KDM4B: variants seen among roughly 807,000 people sequenced by gnomAD.
KDM4B encodes lysine-specific demethylase 4B.
A neutral mutation model predicts 125.2 loss-of-function variants in KDM4B; 32 were observed. The ratio of observed to expected loss-of-function variants is 0.26; its 90% CI spans 0.19 to 0.34. The LOEUF is 0.34. Among genes scored for constraint, KDM4B ranks in the 10% least tolerant of loss-of-function variants. The pLI is 1.00. For synonymous variants in KDM4B, 721 were observed against 677.9 expected (o/e 1.06, Z -0.99); for missense variants, 1,190 against 1,577.7 (o/e 0.75, Z 4.16).
At chr19:5,108,512 T>G (rs2039079069) in intron 9 of KDM4B, among the ~76,000 whole-genome samples, 1 of 152,092 alleles carries the variant, frequency 6.6e-6, no homozygotes, top group Admixed American at 6.5e-5. Context: ...TGCAGGAAAT[T>G]CCACAGGAAG....
rs55641886 is a variant in KDM4B, at chr19:4,994,020, GTTTTTTTTT to G, written c.-108-22223_-108-22215del. Among the ~76,000 whole-genome samples, 5 of 66,678 alleles carry G rather than the reference GTTTTTTTTT, an allele frequency of 7.5e-5. No homozygotes were observed. In the East Asian group the frequency reaches 1.4e-3, roughly 18 times the overall value. 43.7% of individuals were successfully genotyped at this position (66,678 alleles called of 152,430 possible). On this transcript the variant is annotated intron_variant, in intron 1 of 22. Coordinates refer to ENST00000159111, the MANE Select transcript of KDM4B (RefSeq NM_015015.3). ...CGTTTAATTTTTATATTTTCAGCCT[GTTTTTTTTT>G]TTTTTTTTTTTTTGTTATTGTTGTT...
chr19:5,097,061 G>T (rs924439042), intron 9 of KDM4B, among the ~76,000 whole-genome samples: 1 of 152,158 alleles, frequency 6.6e-6, no homozygotes, highest in African/African-American at 2.4e-5. Context: ...AAAGAACAAG[G>T]CACGTGCCCC....
intron 6 of KDM4B, among the ~76,000 whole-genome samples, chr19:5,054,689 C>T (rs555159253): frequency 6.6e-6 from 1 of 152,352 alleles, no homozygotes; most frequent in East Asian, 1.9e-4. Context: ...GAGCTGCCAG[C>T]AGGGCATTGC....
intron 6 of KDM4B, among the ~76,000 whole-genome samples, chr19:5,070,024 G>A (rs188876863): frequency 1.3e-5 from 2 of 152,178 alleles, no homozygotes; most frequent in East Asian, 1.9e-4. Flanking sequence ...GGAGGGTCTC[G>A]GGGAGAGACC....
At chr19:5,098,578 A>G (rs2038872192) in intron 9 of KDM4B, among the ~76,000 whole-genome samples, 1 of 152,110 alleles carries the variant, frequency 6.6e-6, no homozygotes. Context: ...TTCCCTAGAA[A>G]GGTGCCATGG....
chr19:4,988,773 A>G (rs2034932944), intron 1 of KDM4B, among the ~76,000 whole-genome samples: 2 of 152,160 alleles, frequency 1.3e-5, no homozygotes, highest in Non-Finnish European at 2.9e-5. Context: ...ACCTCCACGC[A>G]TTCATCTGTG....
At chr19:4,974,403 A>AAAAT (rs1053899211) in intron 1 of KDM4B, among the ~76,000 whole-genome samples, 1 of 151,992 alleles carries the variant, frequency 6.6e-6, no homozygotes, top group Admixed American at 6.6e-5. Context: ...CTCCATCTCA[A>AAAAT]AAATAAATAA....
chr19:5,134,162 G>T (rs1187141103), intron 14 of KDM4B, 101 bp downstream of exon 14: 14 of 1,167,380 alleles, frequency 1.2e-5, no homozygotes, highest in Non-Finnish European at 1.7e-5. Flanking sequence ...CTCACGCAGG[G>T]CAGGGTGTTG....
intron 9 of KDM4B, among the ~76,000 whole-genome samples, chr19:5,098,919 C>T (rs1026675017): frequency 3.3e-5 from 5 of 152,326 alleles, no homozygotes; most frequent in Non-Finnish European, 7.3e-5. Context: ...TATTTTGTTT[C>T]AATAATGGAC....
chr19:5,001,535 C>T (rs1340939683), intron 1 of KDM4B, among the ~76,000 whole-genome samples: 1 of 152,204 alleles, frequency 6.6e-6, no homozygotes, highest in Admixed American at 6.5e-5. Context: ...GCGAACTGTG[C>T]TGCCGTGAGT....
Position 5,082,616 on chromosome 19 carries a change from G to C in KDM4B, c.918+112G>C. 2.5e-6 allele frequency: 3 copies of C among 1,195,452 alleles called. No homozygotes were observed. The highest frequency in any genetic ancestry group is 3.4e-6 in the Non-Finnish European group (3 of 872,854). 74.1% of individuals were successfully genotyped at this position (1,195,452 alleles called of 1,614,324 possible). A position where few individuals can be genotyped will look rare whatever the true frequency, so the allele number is the denominator to read the frequency against. ...CAGCAGCCGTTTCGCTCAGCCCAGG[G>C]CCTGGGCTCTCAACCAGGGTCTGAT... On this transcript the variant is annotated intron_variant, in intron 9 of 22. Transcript: ENST00000159111. The surrounding 1 kb of genome is among the most constrained non-coding windows in gnomAD (Gnocchi z 5.4).
intron 2 of KDM4B, among the ~76,000 whole-genome samples, chr19:5,020,245 G>A (rs1408277819): frequency 6.6e-6 from 1 of 150,798 alleles, no homozygotes; most frequent in Non-Finnish European, 1.5e-5. Flanking sequence ...TGTTGATGTT[G>A]GTGTGGGTGT....
intron 6 of KDM4B, among the ~76,000 whole-genome samples, chr19:5,067,248 T>C (rs1424247693): frequency 6.6e-6 from 1 of 152,134 alleles, no homozygotes; most frequent in African/African-American, 2.4e-5. Flanking sequence ...CCCTTAACAT[T>C]TCTGACTCTG....
intron 1 of KDM4B, among the ~76,000 whole-genome samples, chr19:4,981,609 C>T (rs991137472): frequency 6.6e-6 from 1 of 152,148 alleles, no homozygotes; most frequent in Non-Finnish European, 1.5e-5. Context: ...GTGGGAGCCC[C>T]CCCCACCACG....
chr19:5,090,025 C>CA (rs547917188), intron 9 of KDM4B, among the ~76,000 whole-genome samples: 1 of 152,146 alleles, frequency 6.6e-6, no homozygotes, highest in Non-Finnish European at 1.5e-5. Context: ...GGAAACAAGA[C>CA]AAAAACACAA....
intron 6 of KDM4B, among the ~76,000 whole-genome samples, chr19:5,051,615 G>T (rs1027483645): frequency 3.9e-5 from 6 of 152,236 alleles, no homozygotes; most frequent in African/African-American, 1.4e-4. Flanking sequence ...GAGGAGTGCC[G>T]CGGGGCCAGC....
chr19:5,110,349 G>T (rs978026709), intron 9 of KDM4B, among the ~76,000 whole-genome samples: 1 of 152,192 alleles, frequency 6.6e-6, no homozygotes, highest in South Asian at 2.1e-4. Context: ...GTGGGTGCCT[G>T]TATTCCCAGC....
At chr19:5,127,368 C>T (rs1000184619) in intron 11 of KDM4B, among the ~76,000 whole-genome samples, 2 of 152,198 alleles carry the variant, frequency 1.3e-5, no homozygotes, top group African/African-American at 2.4e-5. Context: ...TTCAGGGTGT[C>T]CTTCCTAGCC....
At chr19:5,124,878 G>A (rs566929926) in intron 11 of KDM4B, among the ~76,000 whole-genome samples, 3 of 152,048 alleles carry the variant, frequency 2.0e-5, no homozygotes, top group Non-Finnish European at 2.9e-5. Context: ...TTACAGGCCC[G>A]AGCCACTATG....
Sources: allele counts gnomAD v4.1 joint callset (sites outside exome capture counted in the v4.1 genomes callset), GRCh38; gene constraint gnomAD v4.1.1; non-coding constraint Gnocchi (gnomAD v3.1); transcripts MANE v1.5; gene names NCBI Gene and HGNC (gene_info 2026-07-23, HGNC 2026-07-21).